The following CASZ1 variants were observed in gnomAD, a reference collection of about 807,000 sequenced individuals.
CASZ1 encodes the protein zinc finger protein castor homolog 1.
In CASZ1, 28 loss-of-function variants were observed where a neutral mutation model predicts 135.2. The ratio of observed to expected loss-of-function variants is 0.21; its 90% CI spans 0.15 to 0.28. CASZ1 has a LOEUF of 0.28. Among genes scored for constraint, CASZ1 ranks in the 10% least tolerant of loss-of-function variants. CASZ1 has a pLI of 1.00. For missense variants in CASZ1, 2,161 were observed against 2,453.3 expected (o/e 0.88, Z 2.52); for synonymous variants, 1,068 against 1,073.4 (o/e 0.99, Z 0.10).
chr1:10,699,568 G>C lies in CASZ1; in HGVS notation c.-23-5656C>G, dbSNP rs1325560716. ...CAGCCCAGCACCCAGGGAGCCGGGA[G>C]CAGGTTTAATTTGCCAGGCAGCCAG... On this transcript the variant is annotated intron_variant, in intron 3 of 20. Coordinates refer to ENST00000377022, the MANE Select transcript of CASZ1 (RefSeq NM_001079843.3). The surrounding 1 kb of genome is among the most constrained non-coding windows in gnomAD (Gnocchi z 4.6). Among the ~76,000 whole-genome samples, 1 of 152,234 alleles carries C rather than the reference G, an allele frequency of 6.6e-6. No homozygotes were observed. The highest frequency in any genetic ancestry group is 1.5e-5 in the Non-Finnish European group (1 of 68,038).
intron 7 of CASZ1, 75 bp from the exon 8 acceptor site, chr1:10,656,811 G>A (rs1194515050): frequency 2.0e-6 from 2 of 989,786 alleles, no homozygotes; most frequent in Non-Finnish European, 3.1e-6. Context: ...CCCAGCCCCA[G>A]GGAGGACTCT....
intron 4 of CASZ1, among the ~76,000 whole-genome samples, chr1:10,677,550 G>A (rs1638262177): frequency 6.6e-6 from 1 of 152,212 alleles, no homozygotes; most frequent in Non-Finnish European, 1.5e-5. Context: ...CGCACCTTGG[G>A]ACAGGGGACA....
Position 10,727,299 on chromosome 1 carries a change from C to A in CASZ1, c.-76-21755G>T, listed in dbSNP as rs553970727. Among the ~76,000 whole-genome samples the A allele has an allele frequency of 6.6e-5, 10 of 152,248 alleles. No homozygotes were observed. The East Asian group carries it at 1.9e-3, about 29-fold the overall frequency. ...GCTGTTTGAGCCCAGCCCCAGCCCC[C>A]ACTCCAGGTCATCGGCCATCCAGCT... On this transcript the variant is annotated intron_variant, in intron 2 of 20. Coordinates refer to ENST00000377022, the MANE Select transcript of CASZ1 (RefSeq NM_001079843.3). This position sits in a 1 kb window ranked among gnomAD's most constrained non-coding sequence, Gnocchi z 5.3.
chr1:10,792,999 A>C (rs1640992065), intron 1 of CASZ1, among the ~76,000 whole-genome samples: 1 of 152,184 alleles, frequency 6.6e-6, no homozygotes, highest in African/African-American at 2.4e-5. Flanking sequence ...CAGGCAGAGA[A>C]ATCTAACTTT....
chr1:10,773,268 C>T (rs1354576588), intron 1 of CASZ1, among the ~76,000 whole-genome samples: 1 of 152,174 alleles, frequency 6.6e-6, no homozygotes, highest in Non-Finnish European at 1.5e-5. Flanking sequence ...AATACCTTAT[C>T]CCAGCTGTCT....
intron 1 of CASZ1, among the ~76,000 whole-genome samples, chr1:10,773,820 C>A (rs1363940098): frequency 6.6e-6 from 1 of 152,200 alleles, no homozygotes; most frequent in African/African-American, 2.4e-5. Context: ...CCAAAGCACT[C>A]AAAATGGAGC....
chr1:10,790,277 G>A (rs901500672), intron 1 of CASZ1, among the ~76,000 whole-genome samples: 8 of 152,340 alleles, frequency 5.3e-5, no homozygotes, highest in African/African-American at 9.6e-5. Flanking sequence ...ACCACGCCAC[G>A]TATCCCGGGC....
Position 10,757,557 on chromosome 1 carries a change from G to A in CASZ1, c.-77+3144C>T, listed in dbSNP as rs1049494655. Among the ~76,000 whole-genome samples, 1 of 152,182 alleles carries A rather than the reference G, an allele frequency of 6.6e-6. No homozygotes were observed. Among genetic ancestry groups the A allele is most frequent in the Non-Finnish European group, 1.5e-5 (1 of 68,040 alleles). ...AATCCCAGCACCTTGGGGGGCTGAG[G>A]TGGGTGGATCACTTGAGGTTAGGAG... On this transcript the variant is annotated intron_variant, in intron 2 of 20. Coordinates refer to ENST00000377022, the MANE Select transcript of CASZ1 (RefSeq NM_001079843.3). This position sits in a 1 kb window ranked among gnomAD's most constrained non-coding sequence, Gnocchi z 4.6.
chr1:10,658,842 G>A (rs902273116), intron 6 of CASZ1, among the ~76,000 whole-genome samples: 2 of 152,226 alleles, frequency 1.3e-5, no homozygotes, highest in African/African-American at 4.8e-5. Context: ...AGAAGCCCGG[G>A]CTCGGCACCC....
Position 10,647,503 on chromosome 1 carries a change from G to A in CASZ1, c.3497+298C>T, listed in dbSNP as rs1166048958. ...TGTCAGGCTGGGAGTTGTCCTCTGAGGACCACCACGCCCAGTCCACCCCAC... is the reference window on the plus strand; with the variant it reads ...TGTCAGGCTGGGAGTTGTCCTCTGAAGACCACCACGCCCAGTCCACCCCAC... On this transcript the variant is annotated intron_variant, in intron 16 of 20. Coordinates refer to ENST00000377022, the MANE Select transcript of CASZ1 (RefSeq NM_001079843.3). The surrounding 1 kb of genome is among the most constrained non-coding windows in gnomAD (Gnocchi z 4.9). 1 of 1,302,280 alleles carries A rather than the reference G, an allele frequency of 7.7e-7. No homozygotes were observed. Among genetic ancestry groups the A allele is most frequent in the Non-Finnish European group, 9.8e-7 (1 of 1,018,024 alleles). The allele number at this position is 1,302,280 out of a possible 1,614,324, so 80.7% of individuals were successfully genotyped here.
Position 10,654,229 on chromosome 1 carries a change from C to T in CASZ1, c.1839-11G>A. On this transcript the variant is annotated splice_polypyrimidine_tract_variant and intron_variant, in intron 10 of 20. Transcript: ENST00000377022. ...GTGCAGCCGGGGCGCCTGGATGGGA[C>T]ATTGGGAGCCTGTCATGAGACCCAG... is the stretch of plus-strand genomic sequence containing the variant. 1 of 1,612,846 alleles carries T rather than the reference C, an allele frequency of 6.2e-7. No homozygotes were observed. The highest frequency in any genetic ancestry group is 8.5e-7 in the Non-Finnish European group (1 of 1,179,234).
Position 10,638,842 on chromosome 1 carries a change from C to T in CASZ1, c.*100G>A. 1 of 968,162 alleles carries T rather than the reference C, an allele frequency of 1.0e-6. No homozygotes were observed. The highest frequency in any genetic ancestry group is 1.2e-6 in the Non-Finnish European group (1 of 815,036). The allele number at this position is 968,162 out of a possible 1,614,324, so 60.0% of individuals were successfully genotyped here. A position where few individuals can be genotyped will look rare whatever the true frequency, so the allele number is the denominator to read the frequency against. On this transcript the variant is annotated 3_prime_UTR_variant, in exon 21 of 21. Coordinates refer to ENST00000377022, the MANE Select transcript of CASZ1 (RefSeq NM_001079843.3). This position sits in a 1 kb window ranked among gnomAD's most constrained non-coding sequence, Gnocchi z 5.9. Reference sequence around the variant, plus strand: ...AGACGGACTCGGGGTCCGGAAGCACCGGCGGGGCGCGGGGCTCTGCCCAGG... The same window carrying T: ...AGACGGACTCGGGGTCCGGAAGCACTGGCGGGGCGCGGGGCTCTGCCCAGG...
rs1357696338 is a variant in CASZ1 at position 10,678,919 on chromosome 1, C to A, written c.17-13348G>T. Among the ~76,000 whole-genome samples the A allele has an allele frequency of 2.6e-5, 4 of 152,374 alleles. 1 individual carries two copies. Among genetic ancestry groups the A allele is most frequent in the Admixed American group, 2.6e-4 (4 of 15,314 alleles). On this transcript the variant is annotated intron_variant, in intron 4 of 20. Transcript: ENST00000377022. Reference sequence around the variant, plus strand: ...TGGTTGAGCTCCATTAGCCTAAATTCTTCATTTCCATATAGAAAAGAGGCT... The same window carrying A: ...TGGTTGAGCTCCATTAGCCTAAATTATTCATTTCCATATAGAAAAGAGGCT...
At position 10,638,103 on chromosome 1, in the gene CASZ1, CCTG is replaced by C. The variant is rs1207040355; in HGVS notation, c.*836_*838del. 6.6e-6 allele frequency: 1 copy of C among 152,478 alleles called. No homozygotes were observed. Among genetic ancestry groups the C allele is most frequent in the African/African-American group, 2.4e-5 (1 of 41,472 alleles). 9.4% of individuals were successfully genotyped at this position (152,478 alleles called of 1,614,324 possible). On this transcript the variant is annotated 3_prime_UTR_variant, in exon 21 of 21. Coordinates refer to ENST00000377022, the MANE Select transcript of CASZ1 (RefSeq NM_001079843.3). The surrounding 1 kb of genome is among the most constrained non-coding windows in gnomAD (Gnocchi z 5.9). ...CAGGCGGGTCTGCACTCTCACCACGCCTGCTTTCTTCCTTTTTGTTCTATGTAG... is the reference window on the plus strand; with the variant it reads ...CAGGCGGGTCTGCACTCTCACCACGCCTTTCTTCCTTTTTGTTCTATGTAG...
At chr1:10,746,886 A>G (rs1332656240) in intron 2 of CASZ1, among the ~76,000 whole-genome samples, 1 of 152,236 alleles carries the variant, frequency 6.6e-6, no homozygotes, top group African/African-American at 2.4e-5. Context: ...CAAAGGATGC[A>G]CATGTCACCT....
intron 2 of CASZ1, among the ~76,000 whole-genome samples, chr1:10,753,699 AG>A (rs1429885917): frequency 2.0e-5 from 3 of 152,156 alleles, no homozygotes; most frequent in Non-Finnish European, 4.4e-5. Context: ...GAGCAGGGCA[AG>A]TTCCAGACAG....
rs1439499061 is a variant in CASZ1 at position 10,675,150 on chromosome 1, C to G, written c.17-9579G>C. On this transcript the variant is annotated intron_variant, in intron 4 of 20. Coordinates refer to ENST00000377022, the MANE Select transcript of CASZ1 (RefSeq NM_001079843.3). ...CACAGAAAAGCTCACGGCAGGTCCC[C>G]CCTCCTGACGAAGTGACTTATTAAA... 2.0e-5 allele frequency among the ~76,000 whole-genome samples: 3 copies of G among 152,360 alleles called. No individual in the cohort carries two copies. The East Asian group carries it at 5.8e-4, about 29-fold the overall frequency.
intron 2 of CASZ1, among the ~76,000 whole-genome samples, chr1:10,732,243 T>C (rs56312453): frequency 0.054 from 8,053 of 149,872 alleles, 692 homozygotes; most frequent in African/African-American, 0.18. Flanking sequence ...GAGAATCACT[T>C]GAACTCGGGA....
At chr1:10,722,425 G>A (rs566561597) in intron 2 of CASZ1, among the ~76,000 whole-genome samples, 1 of 152,248 alleles carries the variant, frequency 6.6e-6, no homozygotes, top group Non-Finnish European at 1.5e-5. Context: ...ACGGGCCAGC[G>A]AACAAGGGGA....
Sources: allele counts gnomAD v4.1 joint callset (sites outside exome capture counted in the v4.1 genomes callset), GRCh38; gene constraint gnomAD v4.1.1; non-coding constraint Gnocchi (gnomAD v3.1); transcripts MANE v1.5; gene names NCBI Gene and HGNC (gene_info 2026-07-23, HGNC 2026-07-21).